The following DYRK1A variants were observed in gnomAD, a reference collection of about 807,000 sequenced individuals.
DYRK1A encodes dual specificity tyrosine-phosphorylation-regulated kinase 1A.
In DYRK1A, 9 loss-of-function variants were observed where a neutral mutation model predicts 79.7. The observed-to-expected ratio is 0.11, with a 90% CI of 0.07 to 0.20. The LOEUF is 0.20. DYRK1A is among the 10% of genes least tolerant of loss of function. DYRK1A has a pLI of 1.00. For synonymous variants in DYRK1A, 349 were observed against 329.7 expected (o/e 1.06, Z -0.63); for missense variants, 622 against 956.0 (o/e 0.65, Z 4.61).
At chr21:37,502,545 C>T (rs1349485141) in intron 9 of DYRK1A, 1 of 152,058 alleles carries the variant, frequency 6.6e-6, no homozygotes, top group East Asian at 1.9e-4. Context: ...CTCTTGTGCA[C>T]TTGTTGTATT....
chr21:37,426,772 A>T (rs1027702135), intron 2 of DYRK1A, among the ~76,000 whole-genome samples: 4 of 144,732 alleles, frequency 2.8e-5, no homozygotes, highest in African/African-American at 1.0e-4. Flanking sequence ...AAAAAAAAAT[A>T]AGCCAGGTTT....
chr21:37,403,521 A>C (rs549273919), intron 1 of DYRK1A, among the ~76,000 whole-genome samples: 1 of 152,068 alleles, frequency 6.6e-6, no homozygotes, highest in African/African-American at 2.4e-5. Flanking sequence ...GCAGTGGTGC[A>C]GTGGTGCAGT....
rs1455655785 is a variant in DYRK1A at position 37,515,408 on chromosome 21, TTGAA to T, written c.*2880_*2883del. 1 of 152,494 alleles carries T rather than the reference TTGAA, an allele frequency of 6.6e-6. No homozygotes were observed. Among genetic ancestry groups the T allele is most frequent in the Non-Finnish European group, 1.5e-5 (1 of 68,042 alleles). 9.4% of individuals were successfully genotyped at this position (152,494 alleles called of 1,614,324 possible). On this transcript the variant is annotated 3_prime_UTR_variant, in exon 12 of 12. Transcript: ENST00000647188. ...TGATTTTTCACATTGATTTTTTTATTTGAATGTTTACATAATTTTGTGATTCAAA... is the reference window on the plus strand; with the variant it reads ...TGATTTTTCACATTGATTTTTTTATTTGTTTACATAATTTTGTGATTCAAA...
intron 2 of DYRK1A, among the ~76,000 whole-genome samples, chr21:37,448,074 A>G (rs2051329427): frequency 6.6e-6 from 1 of 152,234 alleles, no homozygotes; most frequent in South Asian, 2.1e-4. Context: ...AATCTGCTAT[A>G]TTTTAGACCA....
chr21:37,477,759 C>A (rs938904127), intron 3 of DYRK1A, among the ~76,000 whole-genome samples: 3 of 152,116 alleles, frequency 2.0e-5, no homozygotes, highest in Non-Finnish European at 4.4e-5. Context: ...TCCTGAAATC[C>A]TATGTTAAGG....
At chr21:37,472,557 T>C (rs2052259780) in intron 2 of DYRK1A, 127 bp from the exon 3 acceptor site, 2 of 643,900 alleles carry the variant, frequency 3.1e-6, no homozygotes, top group Non-Finnish European at 5.0e-6. Context: ...TATACCTGTT[T>C]GTAGTTAGAA....
intron 9 of DYRK1A, among the ~76,000 whole-genome samples, chr21:37,496,884 A>T (rs2053286144): frequency 6.6e-6 from 1 of 152,196 alleles, no homozygotes; most frequent in African/African-American, 2.4e-5. Flanking sequence ...TTTTTAAAAG[A>T]TACCTAAACT....
intron 3 of DYRK1A, 133 bp from the exon 4 acceptor site, chr21:37,478,075 A>G: frequency 8.4e-7 from 1 of 1,184,888 alleles, no homozygotes; most frequent in East Asian, 2.5e-5. Flanking sequence ...GAGAATGTAT[A>G]ATCATCTAAT....
At chr21:37,434,897 A>G (rs1483349303) in intron 2 of DYRK1A, among the ~76,000 whole-genome samples, 1 of 152,204 alleles carries the variant, frequency 6.6e-6, no homozygotes, top group Non-Finnish European at 1.5e-5. Context: ...ATTTTAATGT[A>G]TAGAAAGACA....
chr21:37,375,519 C>CT (rs58948987), intron 1 of DYRK1A, among the ~76,000 whole-genome samples: 24,598 of 81,012 alleles, frequency 0.3, 4,583 homozygotes, highest in East Asian at 0.41. Flanking sequence ...AGGAATATTA[C>CT]TTTTTTTTTT....
At chr21:37,437,192 G>C (rs2050949459) in intron 2 of DYRK1A, among the ~76,000 whole-genome samples, 1 of 152,158 alleles carries the variant, frequency 6.6e-6, no homozygotes, top group Non-Finnish European at 1.5e-5. Flanking sequence ...CTTGTAAAAA[G>C]TGGGGGATTT....
At chr21:37,403,646 A>G (rs200754900) in intron 1 of DYRK1A, among the ~76,000 whole-genome samples, 1 of 96,542 alleles carries the variant, frequency 1.0e-5, no homozygotes, top group Non-Finnish European at 2.2e-5. Flanking sequence ...AAAAAAAAAA[A>G]AAATATATAT....
intron 2 of DYRK1A, chr21:37,430,334 A>C (rs2050742891): frequency 1.0e-6 from 1 of 982,296 alleles, no homozygotes; most frequent in African/African-American, 1.7e-5. Context: ...ACTCATGGAG[A>C]GGGAGATGTG....
intron 2 of DYRK1A, among the ~76,000 whole-genome samples, chr21:37,450,532 T>C (rs368639674): frequency 2.0e-5 from 3 of 152,198 alleles, no homozygotes; most frequent in Admixed American, 2.0e-4. Flanking sequence ...AAGTGCCTTT[T>C]ATGTGCCAAC....
intron 1 of DYRK1A, among the ~76,000 whole-genome samples, chr21:37,403,819 T>C (rs915593646): frequency 6.6e-6 from 1 of 150,910 alleles, no homozygotes; most frequent in African/African-American, 2.4e-5. Context: ...TTTCTTCTCC[T>C]AAGAAGGTTG....
chr21:37,433,997 C>T, intron 2 of DYRK1A, among the ~76,000 whole-genome samples: 1 of 152,002 alleles, frequency 6.6e-6, no homozygotes, highest in East Asian at 1.9e-4. Context: ...CTTTTCCAGT[C>T]TTGGTTTCAT....
intron 10 of DYRK1A, 95 bp downstream of exon 10, chr21:37,505,684 G>T (rs1476470485): frequency 7.5e-7 from 1 of 1,329,242 alleles, no homozygotes; most frequent in African/African-American, 1.5e-5. Flanking sequence ...TTTGTTAATA[G>T]AGTGGGGAGC....
intron 1 of DYRK1A, among the ~76,000 whole-genome samples, chr21:37,418,242 A>G (rs2050395753): frequency 1.3e-5 from 2 of 152,176 alleles, no homozygotes; most frequent in Admixed American, 1.3e-4. Context: ...GTTACTTAGC[A>G]TATGATGGTT....
intron 2 of DYRK1A, among the ~76,000 whole-genome samples, chr21:37,462,617 A>G (rs2051879691): frequency 1.3e-5 from 2 of 152,194 alleles, no homozygotes; most frequent in Non-Finnish European, 2.9e-5. Context: ...AGAGTCAAGG[A>G]GAACCCTATG....
Sources: allele counts gnomAD v4.1 joint callset (sites outside exome capture counted in the v4.1 genomes callset), GRCh38; gene constraint gnomAD v4.1.1; transcripts MANE v1.5; gene names NCBI Gene and HGNC (gene_info 2026-07-23, HGNC 2026-07-21).